Variants in SLCO2A1 observed in about 807,000 individuals in gnomAD.
The protein encoded by SLCO2A1 is solute carrier organic anion transporter family member 2A1.
SLCO2A1 carries 60 observed loss-of-function variants against 71.7 expected under a neutral mutation model. That is an observed-to-expected ratio of 0.84 (90% confidence interval 0.68 to 1.04). The LOEUF (loss-of-function observed/expected upper bound fraction) is 1.04. Among genes scored for constraint, SLCO2A1 ranks in the 50% least tolerant of loss-of-function variants. The pLI is 0.00. For synonymous variants in SLCO2A1, 308 were observed against 326.7 expected, an observed-to-expected ratio of 0.94 and a Z score of 0.62; for missense variants, 745 against 813.4, an observed-to-expected ratio of 0.92 and a Z score of 1.02.
intron 3 of SLCO2A1, among the ~76,000 whole-genome samples, chr3:133,973,245 A>T (rs1042098503): frequency 6.6e-6 from 1 of 152,274 alleles, no homozygotes; most frequent in African/African-American, 2.4e-5. Flanking sequence ...AGTAAACATG[A>T]TCAAATGAGA....
chr3:133,970,278 A>T (rs1007501261), intron 3 of SLCO2A1, among the ~76,000 whole-genome samples: 1 of 151,528 alleles, frequency 6.6e-6, no homozygotes, highest in African/African-American at 2.4e-5. Context: ...TAAAATAGAC[A>T]CTCAGGGATG....
chr3:133,982,720 C>A (rs1270847941), intron 1 of SLCO2A1, among the ~76,000 whole-genome samples: 1 of 152,042 alleles, frequency 6.6e-6, no homozygotes, highest in African/African-American at 2.4e-5. Flanking sequence ...TTGGCTCAGG[C>A]CCTCACCATC....
intron 1 of SLCO2A1, among the ~76,000 whole-genome samples, chr3:134,021,667 G>A (rs1045504752): frequency 7.2e-5 from 11 of 151,968 alleles, no homozygotes; most frequent in African/African-American, 2.4e-4. Flanking sequence ...GAGAAAGGCA[G>A]TGAAAGAGAA....
intron 1 of SLCO2A1, among the ~76,000 whole-genome samples, chr3:134,027,909 G>T (rs1022480421): frequency 2.6e-5 from 4 of 152,178 alleles, no homozygotes; most frequent in Admixed American, 1.3e-4. Flanking sequence ...CTTGCAATTA[G>T]TATGGATCAA....
intron 6 of SLCO2A1, chr3:133,950,889 C>G (rs1297975655): frequency 2.7e-6 from 1 of 367,884 alleles, no homozygotes; most frequent in South Asian, 2.3e-5. Context: ...TGTACCAGGT[C>G]GCAGACTTGG....
intron 6 of SLCO2A1, 172 bp from the exon 7 acceptor site, chr3:133,949,143 C>A: frequency 3.3e-6 from 2 of 610,078 alleles, no homozygotes; most frequent in Non-Finnish European, 5.9e-6. Flanking sequence ...GCAAACAGCA[C>A]CTGCATTTCC....
intron 1 of SLCO2A1, 66 bp from the exon 2 acceptor site, chr3:133,979,684 T>C (rs1934541527): frequency 1.2e-5 from 18 of 1,529,560 alleles, no homozygotes; most frequent in Non-Finnish European, 1.6e-5. Context: ...CCCAGCCATC[T>C]GTTAGGGGCC....
intron 12 of SLCO2A1, among the ~76,000 whole-genome samples, chr3:133,936,138 C>T (rs1933264998): frequency 6.6e-6 from 1 of 152,228 alleles, no homozygotes; most frequent in Admixed American, 6.5e-5. Context: ...GAGTAAGTCA[C>T]AGGGATCACC....
At chr3:133,988,016 C>T (rs78363705) in intron 1 of SLCO2A1, among the ~76,000 whole-genome samples, 1,864 of 152,340 alleles carry the variant, frequency 0.012, 29 homozygotes, top group South Asian at 0.038. Flanking sequence ...CTCACCCTCA[C>T]TGAGTGTAAA....
intron 1 of SLCO2A1, among the ~76,000 whole-genome samples, chr3:133,992,653 G>A (rs1218201058): frequency 6.6e-6 from 1 of 152,232 alleles, no homozygotes; most frequent in Non-Finnish European, 1.5e-5. Flanking sequence ...AGCAGAGGGA[G>A]GAGAAACAGC....
intron 1 of SLCO2A1, among the ~76,000 whole-genome samples, chr3:134,027,892 C>A (rs780026632): frequency 1.4e-4 from 22 of 152,240 alleles, no homozygotes; most frequent in Non-Finnish European, 2.5e-4. Flanking sequence ...GTCCTCCAAA[C>A]TCTGGTCTTG....
chr3:133,979,685 G>A, intron 1 of SLCO2A1, 67 bp from the exon 2 acceptor site: 11 of 1,527,094 alleles, frequency 7.2e-6, no homozygotes, highest in Non-Finnish European at 9.7e-6. Context: ...CCAGCCATCT[G>A]TTAGGGGCCC....
chr3:133,986,272 G>GTTTTTTT (rs567273611), intron 1 of SLCO2A1, among the ~76,000 whole-genome samples: 1 of 151,836 alleles, frequency 6.6e-6, no homozygotes, highest in East Asian at 1.9e-4. Flanking sequence ...TTTGTTTTTT[G>GTTTTTTT]TTTTTTCAAT....
chr3:133,934,933 G>A (rs1050662291), intron 13 of SLCO2A1, 103 bp from the exon 14 acceptor site: 11 of 903,488 alleles, frequency 1.2e-5, no homozygotes, highest in Admixed American at 2.0e-5. Context: ...ACGCTGGCCC[G>A]CGGAAGGTGT....
chr3:133,980,540 C>A (rs927750673), intron 1 of SLCO2A1, among the ~76,000 whole-genome samples: 3 of 152,226 alleles, frequency 2.0e-5, no homozygotes, highest in Non-Finnish European at 2.9e-5. Context: ...TATTCTCAAG[C>A]ATCTCCTGGA....
chr3:133,935,365 C>T (rs774072325), intron 13 of SLCO2A1, among the ~76,000 whole-genome samples: 1 of 152,210 alleles, frequency 6.6e-6, no homozygotes, highest in Non-Finnish European at 1.5e-5. Flanking sequence ...GTCCCCCTGC[C>T]CTGGACCTCT....
chr3:133,942,799 A>C, intron 10 of SLCO2A1, 31 bp from the exon 11 acceptor site: 1 of 1,574,654 alleles, frequency 6.4e-7, no homozygotes, highest in South Asian at 1.2e-5. Flanking sequence ...AAAAAGGGGG[A>C]AATTTGTTAT....
At chr3:133,966,594 T>C (rs986701583) in intron 3 of SLCO2A1, among the ~76,000 whole-genome samples, 1 of 152,246 alleles carries the variant, frequency 6.6e-6, no homozygotes, top group Non-Finnish European at 1.5e-5. Flanking sequence ...AACTTCTCTT[T>C]GCTGTTTCCC....
chr3:133,979,621 G>T lies in SLCO2A1; in HGVS notation c.97-3C>A, dbSNP rs373232930. 1 of 1,605,696 alleles carries T rather than the reference G, an allele frequency of 6.2e-7. No individual in the cohort carries two copies. The highest frequency in any genetic ancestry group is 8.5e-7 in the Non-Finnish European group (1 of 1,175,760). ...AGGCCTTGGCAGAGCACAAACACCT[G>T]GGGGAAGAGTGATGGGCCCGTGAGG... On this transcript the variant is annotated splice_region_variant and splice_polypyrimidine_tract_variant and intron_variant, in intron 1 of 13. Coordinates refer to ENST00000310926, the MANE Select transcript of SLCO2A1 (RefSeq NM_005630.3).
Sources: gnomAD v4.1 joint callset for allele counts (sites outside exome capture counted in the v4.1 genomes callset) on GRCh38, gnomAD v4.1.1 for gene constraint, MANE v1.5 for transcripts, NCBI Gene and HGNC (gene_info 2026-07-23, HGNC 2026-07-21) for gene names.